Variants in ETFBKMT observed in about 807,000 individuals in gnomAD.
ETFBKMT encodes the protein electron transfer flavoprotein subunit beta lysine methyltransferase.
Under a neutral mutation model 18.3 loss-of-function variants are expected in ETFBKMT, and 13 were observed. The ratio of observed to expected loss-of-function variants is 0.71; its 90% CI spans 0.46 to 1.13. ETFBKMT has a LOEUF of 1.13. Ranked by LOEUF, ETFBKMT falls within the 50% of genes most tolerant of loss-of-function variation. The pLI, the probability that ETFBKMT is intolerant of heterozygous loss-of-function variation, is 0.00. For missense variants in ETFBKMT, 293 were observed against 306.2 expected, an observed-to-expected ratio of 0.96 and a Z score of 0.32; for synonymous variants, 84 against 107.9, an observed-to-expected ratio of 0.78 and a Z score of 1.37.
intron 3 of ETFBKMT, among the ~76,000 whole-genome samples, chr12:31,667,385 A>G (rs746037063): frequency 1.7e-4 from 26 of 152,244 alleles, no homozygotes; most frequent in Non-Finnish European, 2.6e-4. Flanking sequence ...CTTTTGGTTA[A>G]TGAAATCAGC....
chr12:31,664,939 CTT>C (rs57572915), intron 2 of ETFBKMT, among the ~76,000 whole-genome samples: 18 of 121,438 alleles, frequency 1.5e-4, no homozygotes, highest in Non-Finnish European at 2.4e-4. Flanking sequence ...TTCTTTCTTT[CTT>C]TTTTTTTTTT....
chr12:31,655,700 G>A (rs1460224772), upstream of ETFBKMT, among the ~76,000 whole-genome samples: 1 of 152,146 alleles, frequency 6.6e-6, no homozygotes, highest in Non-Finnish European at 1.5e-5. Flanking sequence ...GTCATCATTT[G>A]CTTCACGCCT....
chr12:31,659,874 CG>C lies in ETFBKMT; in HGVS notation c.-114+86del, dbSNP rs1389946201. The C allele has an allele frequency of 2.6e-5, 4 of 151,046 alleles. No homozygotes were observed. The East Asian group carries it at 7.8e-4, about 29-fold the overall frequency. 9.4% of individuals were successfully genotyped at this position (151,046 alleles called of 1,614,324 possible). On this transcript the variant is annotated intron_variant, in intron 1 of 3. Transcript: ENST00000357721. ...TGTTTACAAGCCGAAGCTGGCCGGG[CG>C]TGGTGGCTCGCGCCTGTAATCCCAG...
chr12:31,649,006 C>T (rs1378820063), intron 1 of ETFBKMT, among the ~76,000 whole-genome samples: 1 of 142,386 alleles, frequency 7.0e-6, no homozygotes, highest in East Asian at 2.1e-4. Context: ...GAGACGGAGT[C>T]TCGCTTTGTC....
At chr12:31,663,334 G>C (rs918032792) in intron 2 of ETFBKMT, among the ~76,000 whole-genome samples, 3 of 151,952 alleles carry the variant, frequency 2.0e-5, no homozygotes, top group African/African-American at 7.2e-5. Context: ...CTCGTGATCC[G>C]CCCTCCTCGG....
rs57572915 is a variant in ETFBKMT, at chr12:31,664,939, C to CTTT, written c.315-1135_315-1133dup. Among the ~76,000 whole-genome samples the CTTT allele has an allele frequency of 1.2e-3, 143 of 121,508 alleles. 1 individual carries two copies. In the East Asian group the frequency reaches 0.023, roughly 20 times the overall value. The allele number at this position is 121,508 out of a possible 152,430, so 79.7% of individuals were successfully genotyped here. On this transcript the variant is annotated intron_variant, in intron 2 of 3. Coordinates refer to ENST00000357721, the MANE Select transcript of ETFBKMT (RefSeq NM_001135863.2). ...ATTTATACATTTCTTTTCTTTCTTT[C>CTTT]TTTTTTTTTTTTTTTGAGACAGAGT...
rs78635555 is a variant in ETFBKMT, at chr12:31,651,094, C to A, written c.-114+3839C>A. On this transcript the variant is annotated intron_variant, in intron 1 of 3. Coordinates refer to the ETFBKMT transcript ENST00000412352. ...AACTTAAGTATGATAACATCAAGGCCACTTGACCTAAGGGCAGGATTTACA... is the reference window on the plus strand; with the variant it reads ...AACTTAAGTATGATAACATCAAGGCAACTTGACCTAAGGGCAGGATTTACA... 2.0e-5 allele frequency among the ~76,000 whole-genome samples: 3 copies of A among 152,120 alleles called. No homozygotes were observed. In the East Asian group the frequency reaches 5.8e-4, roughly 29 times the overall value.
Position 31,662,053 on chromosome 12 carries a change from T to C in ETFBKMT, c.100T>C (p.Cys34Arg). The stretch of plus-strand genomic sequence containing the variant: ...TCTTCTCTTGTTTCCCTGTGGCCAG[T>C]GTCCCTGGAGAGGAGCTGGAAGCTT... ...SGLLLFPCGQ[C>R]PWRGAGSFLD... Residue 34 changes from cysteine to arginine, a missense_variant, in exon 2 of 4, where the codon TGT becomes CGT. Cys to Arg is a radical substitution (Grantham distance 180, BLOSUM62 -3). Coordinates refer to ENST00000357721, the MANE Select transcript of ETFBKMT (RefSeq NM_001135863.2). The C allele has an allele frequency of 6.2e-7, 1 of 1,614,232 alleles. No individual in the cohort carries two copies. The highest frequency in any genetic ancestry group is 8.5e-7 in the Non-Finnish European group (1 of 1,180,024).
chr12:31,647,407 T>C (rs1193048189), intron 1 of ETFBKMT, among the ~76,000 whole-genome samples: 2 of 152,206 alleles, frequency 1.3e-5, no homozygotes, highest in African/African-American at 4.8e-5. Context: ...AGACGACATG[T>C]GTGTCATCCC....
In ETFBKMT at chr12:31,670,605, T is replaced by C. The variant is rs1348873712; in HGVS notation, c.*2615T>C. 2 of 152,220 alleles carry C rather than the reference T, an allele frequency of 1.3e-5. No homozygotes were observed. Among genetic ancestry groups the C allele is most frequent in the Non-Finnish European group, 2.9e-5 (2 of 68,068 alleles). The allele number at this position is 152,220 out of a possible 1,614,324, so 9.4% of individuals were successfully genotyped here. The stretch of plus-strand genomic sequence containing the variant: ...CTTCAGCCTCCTTAGTAGCTAGGAC[T>C]GTAGGCATGCACCACCATGATGCCT... On this transcript the variant is annotated 3_prime_UTR_variant, in exon 4 of 4. Coordinates refer to ENST00000357721, the MANE Select transcript of ETFBKMT (RefSeq NM_001135863.2).
At chr12:31,649,353 A>G (rs1317522876) in intron 1 of ETFBKMT, among the ~76,000 whole-genome samples, 2 of 152,252 alleles carry the variant, frequency 1.3e-5, no homozygotes, top group Non-Finnish European at 2.9e-5. Context: ...TGAAGAAAAC[A>G]TTATGCTCAA....
chr12:31,663,614 A>G (rs1406485376), intron 2 of ETFBKMT, among the ~76,000 whole-genome samples: 1 of 152,256 alleles, frequency 6.6e-6, no homozygotes, highest in Non-Finnish European at 1.5e-5. Flanking sequence ...TAGTGCCATC[A>G]ACAAAGAATT....
upstream of ETFBKMT, among the ~76,000 whole-genome samples, chr12:31,656,318 T>C (rs1321160255): frequency 6.6e-6 from 1 of 152,202 alleles, no homozygotes; most frequent in Non-Finnish European, 1.5e-5. Flanking sequence ...CAGTGGCAGC[T>C]TTCTGTCTTC....
chr12:31,650,261 G>C (rs1951004984), intron 1 of ETFBKMT, among the ~76,000 whole-genome samples: 1 of 151,996 alleles, frequency 6.6e-6, no homozygotes, highest in African/African-American at 2.4e-5. Context: ...GGCAACGAGA[G>C]TGATCTCCAG....
intron 2 of ETFBKMT, among the ~76,000 whole-genome samples, chr12:31,664,295 G>A (rs1186333603): frequency 6.6e-6 from 1 of 151,988 alleles, no homozygotes; most frequent in East Asian, 1.9e-4. Context: ...TTACCAGAGA[G>A]GTCATTATAC....
At chr12:31,652,182 C>T (rs981569683) in intron 1 of ETFBKMT, among the ~76,000 whole-genome samples, 1 of 152,194 alleles carries the variant, frequency 6.6e-6, no homozygotes, top group Non-Finnish European at 1.5e-5. Flanking sequence ...TAAACTTCGG[C>T]GCATCCACTG....
rs1288887348 is a variant in ETFBKMT at position 31,671,725 on chromosome 12, GTAA to G, written c.*3738_*3740del. 6.6e-6 allele frequency: 1 copy of G among 152,202 alleles called. No homozygotes were observed. Among genetic ancestry groups the G allele is most frequent in the African/African-American group, 2.4e-5 (1 of 41,452 alleles). 9.4% of individuals were successfully genotyped at this position (152,202 alleles called of 1,614,324 possible). A position where few individuals can be genotyped will look rare whatever the true frequency, so the allele number is the denominator to read the frequency against. The stretch of plus-strand genomic sequence containing the variant: ...TGGATGTGGCTGGGCAAGAGCCTCT[GTAA>G]TACTAATACGCTGAATGGCTAATAA... On this transcript the variant is annotated 3_prime_UTR_variant, in exon 4 of 4. Transcript: ENST00000357721.
chr12:31,672,319 TG>T lies in ETFBKMT; in HGVS notation c.*4330del. On this transcript the variant is annotated 3_prime_UTR_variant, in exon 4 of 4. Transcript: ENST00000357721. ...CAAAAAAGCATCAATAAACAGTCCATGTCACTTGCTTTAGTTTGTTTGGGCC... is the reference window on the plus strand; with the variant it reads ...CAAAAAAGCATCAATAAACAGTCCATTCACTTGCTTTAGTTTGTTTGGGCC... The T allele has an allele frequency of 6.3e-7, 1 of 1,576,654 alleles. No homozygotes were observed. The highest frequency in any genetic ancestry group is 8.6e-7 in the Non-Finnish European group (1 of 1,159,020).
Position 31,672,415 on chromosome 12 carries a change from TA to T in ETFBKMT, c.*4431del. ...ACAATGACAATATATTAATTGACAA[TA>T]AAAAATGTTTAATGTTTCCTCATGT... On this transcript the variant is annotated 3_prime_UTR_variant, in exon 4 of 4. Transcript: ENST00000357721. 7.1e-7 allele frequency: 1 copy of T among 1,407,498 alleles called. No homozygotes were observed. The highest frequency in any genetic ancestry group is 9.8e-7 in the Non-Finnish European group (1 of 1,016,248). 87.2% of individuals were successfully genotyped at this position (1,407,498 alleles called of 1,614,324 possible). A position where few individuals can be genotyped will look rare whatever the true frequency, so the allele number is the denominator to read the frequency against.
Sources: gnomAD v4.1 joint callset for allele counts (sites outside exome capture counted in the v4.1 genomes callset) on GRCh38, gnomAD v4.1.1 for gene constraint, MANE v1.5 for transcripts, NCBI Gene and HGNC (gene_info 2026-07-23, HGNC 2026-07-21) for gene names.